The following RAP1B variants were observed in gnomAD, a reference collection of about 807,000 sequenced individuals.
RAP1B encodes the protein ras-related protein Rap-1b.
A neutral mutation model predicts 27.5 loss-of-function variants in RAP1B; 1 was observed. That is an observed-to-expected ratio of 0.04 (90% CI 0.01 to 0.17). The LOEUF (loss-of-function observed/expected upper bound fraction) is 0.17, where lower values mean the gene tolerates loss of function less well. RAP1B is among the 10% of genes least tolerant of loss of function. RAP1B has a pLI of 1.00. For synonymous variants in RAP1B, 75 were observed against 73.1 expected, an observed-to-expected ratio of 1.03 and a Z score of -0.13; for missense variants, 84 against 214.8, an observed-to-expected ratio of 0.39 and a Z score of 3.81.
Position 68,662,451 on chromosome 12 carries a change from A to G in RAP1B, c.*3202A>G, listed in dbSNP as rs963066785. 6.6e-6 allele frequency: 1 copy of G among 152,050 alleles called. No individual in the cohort carries two copies. The highest frequency in any genetic ancestry group is 2.4e-5 in the African/African-American group (1 of 41,418). 9.4% of individuals were successfully genotyped at this position (152,050 alleles called of 1,614,324 possible). The stretch of plus-strand genomic sequence containing the variant: ...TCTTTACCATATGTGGGCATTACAA[A>G]TAGAAATTTTTAAAATTCCATTTAT... On this transcript the variant is annotated 3_prime_UTR_variant, in exon 8 of 8. Coordinates refer to ENST00000250559, the MANE Select transcript of RAP1B (RefSeq NM_001010942.3).
rs1311016053 is a variant in RAP1B at position 68,668,344 on chromosome 12, T to TA, written c.*9097dup. 8 of 152,158 alleles carry TA rather than the reference T, an allele frequency of 5.3e-5. No individual in the cohort carries two copies. The highest frequency in any genetic ancestry group is 1.9e-4 in the African/African-American group (8 of 41,438). The allele number at this position is 152,158 out of a possible 1,614,324, so 9.4% of individuals were successfully genotyped here. ...AGTGTTGATCTCCCTAAGACTATTATAATAAGGAAGGGGTTTTTTTCTTAG... is the reference window on the plus strand; with the variant it reads ...AGTGTTGATCTCCCTAAGACTATTATAAATAAGGAAGGGGTTTTTTTCTTAG... On this transcript the variant is annotated 3_prime_UTR_variant, in exon 8 of 8. Coordinates refer to ENST00000250559, the MANE Select transcript of RAP1B (RefSeq NM_001010942.3).
At chr12:68,654,587 C>T (rs917550709) in intron 5 of RAP1B, among the ~76,000 whole-genome samples, 10 of 151,808 alleles carry the variant, frequency 6.6e-5, no homozygotes, top group African/African-American at 1.2e-4. Context: ...ACGCCATTCT[C>T]CTGCCTCAGC....
intron 1 of RAP1B, among the ~76,000 whole-genome samples, chr12:68,637,599 C>CAAAAAAAAAAAAAA (rs58656248): frequency 2.6e-4 from 9 of 34,256 alleles, no homozygotes; most frequent in Non-Finnish European, 3.2e-4. Context: ...AACTCCATCT[C>CAAAAAAAAAAAAAA]AAAAAAAAAA....
At chr12:68,653,989 AT>A in intron 4 of RAP1B, 122 bp from the exon 5 acceptor site, 2 of 870,754 alleles carry the variant, frequency 2.3e-6, no homozygotes, top group Non-Finnish European at 3.5e-6. Context: ...ATAGATTATA[AT>A]TTTAACAAAG....
chr12:68,624,024 GA>G (rs781541083), intron 1 of RAP1B, among the ~76,000 whole-genome samples: 3,172 of 131,712 alleles, frequency 0.024, 37 homozygotes, highest in Middle Eastern at 0.042. Flanking sequence ...CTATCTCAGG[GA>G]AAAAAAAAAA....
Position 68,659,930 on chromosome 12 carries a change from TTA to T in RAP1B, c.*685_*686del, listed in dbSNP as rs1210028698. On this transcript the variant is annotated 3_prime_UTR_variant, in exon 8 of 8. Coordinates refer to ENST00000250559, the MANE Select transcript of RAP1B (RefSeq NM_001010942.3). The stretch of plus-strand genomic sequence containing the variant: ...ATGTCCAGACTTTTCAAATCTCTTA[TTA>T]TATGTTTCCTTTTTTTGTTTACATA... 1 of 150,678 alleles carries T rather than the reference TTA, an allele frequency of 6.6e-6. No individual in the cohort carries two copies. The highest frequency in any genetic ancestry group is 2.1e-4 in the South Asian group (1 of 4,752). The allele number at this position is 150,678 out of a possible 1,614,324, so 9.3% of individuals were successfully genotyped here.
At chr12:68,658,215 T>C (rs1413323644) in intron 7 of RAP1B, among the ~76,000 whole-genome samples, 1 of 152,248 alleles carries the variant, frequency 6.6e-6, no homozygotes, top group East Asian at 1.9e-4. Context: ...TGATTCTGCA[T>C]CTTTTCAGAG....
chr12:68,642,861 A>C, intron 1 of RAP1B: 1 of 993,320 alleles, frequency 1.0e-6, no homozygotes, highest in South Asian at 1.3e-5. Context: ...TTCTCAGGTA[A>C]AGCAGCCAAC....
chr12:68,650,655 T>C (rs1873748341), intron 3 of RAP1B, 187 bp downstream of exon 3: 1 of 419,150 alleles, frequency 2.4e-6, no homozygotes, highest in African/African-American at 2.1e-5. Flanking sequence ...ACCCATACTC[T>C]CACATATTCA....
intron 3 of RAP1B, 101 bp downstream of exon 3, chr12:68,650,569 G>C: frequency 9.5e-7 from 1 of 1,049,318 alleles, no homozygotes; most frequent in Non-Finnish European, 1.3e-6. Context: ...TGGAGGCAGA[G>C]TTAATTTATA....
At chr12:68,647,133 A>C (rs1873463703) in intron 1 of RAP1B, among the ~76,000 whole-genome samples, 1 of 151,906 alleles carries the variant, frequency 6.6e-6, no homozygotes, top group Non-Finnish European at 1.5e-5. Flanking sequence ...GCTCACTGCA[A>C]CCTCCACCTC....
chr12:68,654,563 T>C (rs1335271961), intron 5 of RAP1B, among the ~76,000 whole-genome samples: 1 of 151,838 alleles, frequency 6.6e-6, no homozygotes, highest in African/African-American at 2.4e-5. Context: ...GCGATAGCTG[T>C]ACCTCCCGGG....
At chr12:68,644,034 T>C (rs1419003104) in intron 1 of RAP1B, among the ~76,000 whole-genome samples, 1 of 152,216 alleles carries the variant, frequency 6.6e-6, no homozygotes, top group African/African-American at 2.4e-5. Flanking sequence ...CCTCCTAGGC[T>C]GTCAAAATTA....
At chr12:68,612,010 TTA>T (rs1870638212) in intron 1 of RAP1B, among the ~76,000 whole-genome samples, 1 of 152,210 alleles carries the variant, frequency 6.6e-6, no homozygotes, top group African/African-American at 2.4e-5. Flanking sequence ...CCCACTCTCT[TTA>T]ATAGTTTAGA....
At chr12:68,624,908 A>G (rs1163167255) in intron 1 of RAP1B, 3 of 152,246 alleles carry the variant, frequency 2.0e-5, no homozygotes, top group African/African-American at 7.2e-5. Context: ...GAAACTCAGA[A>G]TTGGTTACAG....
chr12:68,631,195 AG>A (rs1872210581), intron 1 of RAP1B, among the ~76,000 whole-genome samples: 1 of 152,200 alleles, frequency 6.6e-6, no homozygotes, highest in Non-Finnish European at 1.5e-5. Context: ...GGCTGCACAT[AG>A]CAGATACTTA....
Position 68,667,776 on chromosome 12 carries a change from T to C in RAP1B, c.*8527T>C, listed in dbSNP as rs1874915420. On this transcript the variant is annotated 3_prime_UTR_variant, in exon 8 of 8. Coordinates refer to ENST00000250559, the MANE Select transcript of RAP1B (RefSeq NM_001010942.3). The stretch of plus-strand genomic sequence containing the variant: ...CCAACTTTAGTAAAGCATGACTTCA[T>C]GCCTTGGATCATACAGGATTTCAAC... 6.6e-6 allele frequency: 1 copy of C among 152,224 alleles called. No individual in the cohort carries two copies. Among genetic ancestry groups the C allele is most frequent in the South Asian group, 2.1e-4 (1 of 4,832 alleles). The allele number at this position is 152,224 out of a possible 1,614,324, so 9.4% of individuals were successfully genotyped here.
Position 68,665,286 on chromosome 12 carries a change from G to T in RAP1B, c.*6037G>T, listed in dbSNP as rs1256901489. Reference sequence around the variant, plus strand: ...AGCTGTGTGAAAGATAACCCAGAGAGGGGTAATGGTAGAGCCAGAATTAAC... The same window carrying T: ...AGCTGTGTGAAAGATAACCCAGAGATGGGTAATGGTAGAGCCAGAATTAAC... On this transcript the variant is annotated 3_prime_UTR_variant, in exon 8 of 8. Transcript: ENST00000250559. The T allele has an allele frequency of 6.6e-6, 1 of 152,218 alleles. No homozygotes were observed. Among genetic ancestry groups the T allele is most frequent in the Admixed American group, 6.5e-5 (1 of 15,274 alleles). The allele number at this position is 152,218 out of a possible 1,614,324, so 9.4% of individuals were successfully genotyped here.
intron 1 of RAP1B, among the ~76,000 whole-genome samples, chr12:68,613,852 A>G (rs141260806): frequency 9.0e-4 from 137 of 152,362 alleles, no homozygotes; most frequent in African/African-American, 3.2e-3. Flanking sequence ...TTGGCTTTGG[A>G]ATCCCTTTTA....
Sources: allele counts gnomAD v4.1 joint callset (sites outside exome capture counted in the v4.1 genomes callset), GRCh38; gene constraint gnomAD v4.1.1; transcripts MANE v1.5; gene names NCBI Gene and HGNC (gene_info 2026-07-23, HGNC 2026-07-21).